Variants in OPHN1 observed in about 807,000 individuals in gnomAD.
The protein encoded by OPHN1 is oligophrenin 1, also known as oligophrenin-1.
In OPHN1, 11 loss-of-function variants were observed where a neutral mutation model predicts 60.7. The observed-to-expected ratio is 0.18, with a 90% CI of 0.11 to 0.30. The LOEUF (loss-of-function observed/expected upper bound fraction) is 0.30, where lower values mean the gene tolerates loss of function less well. OPHN1 is among the 10% of genes least tolerant of loss of function. The pLI, the probability that OPHN1 is intolerant of heterozygous loss-of-function variation, is 1.00. For synonymous variants in OPHN1, 226 were observed against 222.6 expected, an observed-to-expected ratio of 1.02 and a Z score of -0.14; for missense variants, 449 against 611.0, an observed-to-expected ratio of 0.73 and a Z score of 2.80.
intron 19 of OPHN1, among the ~76,000 whole-genome samples, chrX:68,095,359 G>T (rs2077034371): frequency 1.8e-5 from 2 of 111,755 alleles, no homozygotes; most frequent in African/African-American, 6.5e-5. Flanking sequence ...TTTCCATATT[G>T]TCTATGGCTG....
At chrX:68,124,313 A>G (rs1272816115) in intron 15 of OPHN1, among the ~76,000 whole-genome samples, 1 of 110,815 alleles carries the variant, frequency 9.0e-6, no homozygotes, top group Non-Finnish European at 1.9e-5. Context: ...GAAGATCATT[A>G]TGACCCCATA....
At chrX:68,222,069 A>T (rs1206005532) in intron 6 of OPHN1, among the ~76,000 whole-genome samples, 152 of 108,037 alleles carry the variant, frequency 1.4e-3, no homozygotes, top group Non-Finnish European at 2.2e-3. Context: ...AATGAACTCA[A>T]ACAAATTTAC....
chrX:68,416,318 A>G (rs1417687779), intron 2 of OPHN1, among the ~76,000 whole-genome samples: 1 of 109,527 alleles, frequency 9.1e-6, no homozygotes, highest in Non-Finnish European at 1.9e-5. Flanking sequence ...TGCTGGTATT[A>G]TATATATACC....
chrX:68,053,582 T>C, intron 22 of OPHN1, 63 bp downstream of exon 22: 1 of 1,121,217 alleles, frequency 8.9e-7, no homozygotes, highest in Middle Eastern at 2.4e-4. Flanking sequence ...ATGGTGATCC[T>C]GAAAGCATTC....
intron 2 of OPHN1, among the ~76,000 whole-genome samples, chrX:68,379,238 A>G (rs2078580581): frequency 9.0e-6 from 1 of 110,794 alleles, no homozygotes; most frequent in Non-Finnish European, 1.9e-5. Flanking sequence ...TCTGTCTGTT[A>G]TTGGTGCATA....
chrX:68,294,501 A>AAAAT (rs1491185339), intron 3 of OPHN1, among the ~76,000 whole-genome samples: 1 of 106,667 alleles, frequency 9.4e-6, no homozygotes, highest in African/African-American at 3.5e-5. Flanking sequence ...AAAAAAAAAA[A>AAAAT]AGTAAGCATA....
At chrX:68,243,501 C>T (rs181693258) in intron 5 of OPHN1, among the ~76,000 whole-genome samples, 1,151 of 111,481 alleles carry the variant, frequency 0.01, 5 homozygotes, top group Middle Eastern at 0.019. Flanking sequence ...AATTCTCTTG[C>T]CTCAGCCTCC....
intron 2 of OPHN1, among the ~76,000 whole-genome samples, chrX:68,317,545 AAGAAAG>A (rs2078212600): frequency 1.3e-5 from 1 of 74,818 alleles, no homozygotes; most frequent in Non-Finnish European, 2.4e-5. Context: ...GAAAAAAAGA[AAGAAAG>A]AAAGAAAGAA....
At chrX:68,201,738 A>T (rs2077536299) in intron 10 of OPHN1, 28 bp from the exon 11 acceptor site, 1 of 1,134,303 alleles carries the variant, frequency 8.8e-7, no homozygotes, top group African/African-American at 1.8e-5. Context: ...TTAACAGGCA[A>T]TTTTTAAAAA....
intron 2 of OPHN1, among the ~76,000 whole-genome samples, chrX:68,344,684 G>T (rs1420998124): frequency 1.8e-5 from 2 of 110,744 alleles, no homozygotes; most frequent in African/African-American, 6.6e-5. Flanking sequence ...AGATCAGCCT[G>T]GGCAACACAG....
rs763797513 is a variant in OPHN1, at chrX:68,282,247, GA to G, written c.312+808del. 5.1e-3 allele frequency among the ~76,000 whole-genome samples: 571 copies of G among 112,038 alleles called. 4 individuals carry two copies. Among genetic ancestry groups the G allele is most frequent in the African/African-American group, 0.018 (542 of 30,897 alleles). On this transcript the variant is annotated intron_variant, in intron 4 of 24. Transcript: ENST00000355520. ...ATATTACTTAATGATAAAAATAAAT[GA>G]CAGGAAAATAAAATGCATATTGCTA...
chrX:68,077,166 ATAAAT>A (rs2076956664), intron 19 of OPHN1, among the ~76,000 whole-genome samples: 1 of 112,160 alleles, frequency 8.9e-6, no homozygotes, highest in African/African-American at 3.2e-5. Context: ...TATTAGACTG[ATAAAT>A]TAAGAAAAAT....
Position 68,129,424 on chromosome X carries a change from T to G in OPHN1, c.1277-10092A>C, listed in dbSNP as rs1223372799. Among the ~76,000 whole-genome samples the G allele has an allele frequency of 4.5e-5, 5 of 112,056 alleles. 1 individual carries two copies. In the Admixed American group the frequency reaches 4.7e-4, roughly 11 times the overall value. ...AATTCATTGGGTCCATGATGAGGCC[T>G]GGCAGTTTGCATTTAAAAAAATAAT... On this transcript the variant is annotated intron_variant, in intron 15 of 24. Coordinates refer to ENST00000355520, the MANE Select transcript of OPHN1 (RefSeq NM_002547.3).
chrX:68,226,188 T>A (rs1161512741), intron 6 of OPHN1, among the ~76,000 whole-genome samples: 1 of 111,122 alleles, frequency 9.0e-6, no homozygotes, highest in African/African-American at 3.3e-5. Flanking sequence ...GAAAAAAGAA[T>A]AAAAAGAAAC....
chrX:68,375,126 A>G, intron 2 of OPHN1, among the ~76,000 whole-genome samples: 1 of 112,296 alleles, frequency 8.9e-6, no homozygotes, highest in Admixed American at 9.5e-5. Context: ...TTTACCCTCT[A>G]GAAATAATGT....
intron 19 of OPHN1, among the ~76,000 whole-genome samples, chrX:68,090,161 AAAT>A (rs2147394255): frequency 9.0e-6 from 1 of 110,538 alleles, no homozygotes; most frequent in South Asian, 3.9e-4. Context: ...TTCAGAAATT[AAAT>A]GTGAAGTAGA....
At chrX:68,264,781 A>T (rs2077914083) in intron 5 of OPHN1, among the ~76,000 whole-genome samples, 1 of 112,227 alleles carries the variant, frequency 8.9e-6, no homozygotes, top group Non-Finnish European at 1.9e-5. Context: ...TTCCTAGTCA[A>T]AGAAAGGAGT....
At chrX:68,118,218 C>A (rs1322530670) in intron 16 of OPHN1, among the ~76,000 whole-genome samples, 1 of 110,984 alleles carries the variant, frequency 9.0e-6, no homozygotes, top group Non-Finnish European at 1.9e-5. Flanking sequence ...AGTGGTGCAC[C>A]TTGGTTTCCT....
At chrX:68,074,244 T>C (rs955530279) in intron 19 of OPHN1, among the ~76,000 whole-genome samples, 13 of 111,698 alleles carry the variant, frequency 1.2e-4, no homozygotes, top group African/African-American at 3.9e-4. Flanking sequence ...GGCATGGAAA[T>C]AACATGATTG....
Sources: gnomAD v4.1 joint callset for allele counts (sites outside exome capture counted in the v4.1 genomes callset) on GRCh38, gnomAD v4.1.1 for gene constraint, MANE v1.5 for transcripts, NCBI Gene and HGNC (gene_info 2026-07-23, HGNC 2026-07-21) for gene names.